AGPS: variants seen among roughly 807,000 people sequenced by gnomAD.
AGPS encodes the protein alkylglycerone phosphate synthase.
In AGPS, 26 loss-of-function variants were observed where a neutral mutation model predicts 90.7. That is an observed-to-expected ratio of 0.29 (90% CI 0.21 to 0.40). The LOEUF is 0.40. Among genes scored for constraint, AGPS ranks in the 10% least tolerant of loss-of-function variants. The pLI is 1.00. For synonymous variants in AGPS, 294 were observed against 285.3 expected (o/e 1.03, Z -0.31); for missense variants, 540 against 816.1 (o/e 0.66, Z 4.12).
chr2:177,434,525 G>GT, intron 3 of AGPS, 108 bp downstream of exon 3: 1 of 868,044 alleles, frequency 1.2e-6, no homozygotes, highest in South Asian at 1.6e-5. Flanking sequence ...CAACTGTCAT[G>GT]TTTTTTGTTA....
chr2:177,496,671 A>G (rs1471122330), intron 12 of AGPS, among the ~76,000 whole-genome samples: 1 of 152,076 alleles, frequency 6.6e-6, no homozygotes, highest in Non-Finnish European at 1.5e-5. Context: ...TTGGTCTTTT[A>G]TGTAACACAG....
In AGPS at chr2:177,542,834, G is replaced by A. The variant is rs942037040; in HGVS notation, c.*4639G>A. The A allele has an allele frequency of 6.6e-6, 1 of 151,050 alleles. No individual in the cohort carries two copies. Among genetic ancestry groups the A allele is most frequent in the African/African-American group, 2.5e-5 (1 of 40,450 alleles). The allele number at this position is 151,050 out of a possible 1,614,324, so 9.4% of individuals were successfully genotyped here. On this transcript the variant is annotated 3_prime_UTR_variant, in exon 20 of 20. Transcript: ENST00000264167. ...TACTATATCCCCAAAAGCTCACAGT[G>A]CCTTGTTGGGATTTTTTTTTTCCAT...
rs1209925808 is a variant in AGPS at position 177,446,351 on chromosome 2, A to T, written c.870+725A>T. Among the ~76,000 whole-genome samples, 6 of 151,806 alleles carry T rather than the reference A, an allele frequency of 4.0e-5. No individual in the cohort carries two copies. The East Asian group carries it at 9.7e-4, about 25-fold the overall frequency. On this transcript the variant is annotated intron_variant, in intron 8 of 19. Transcript: ENST00000264167. ...TGTATTTTTAGTAGGACGGCGTTTC[A>T]CCGTGGTCTCGGATCTCCTGACCTC...
intron 19 of AGPS, among the ~76,000 whole-genome samples, chr2:177,535,413 A>G (rs1236423907): frequency 1.3e-5 from 2 of 151,618 alleles, no homozygotes; most frequent in Non-Finnish European, 2.9e-5. Flanking sequence ...CATGTGTGTT[A>G]ACATGGGTAC....
intron 11 of AGPS, among the ~76,000 whole-genome samples, chr2:177,490,266 G>A (rs1688212063): frequency 6.6e-6 from 1 of 152,058 alleles, no homozygotes; most frequent in African/African-American, 2.4e-5. Context: ...AGAATGATGT[G>A]CAGTGATTTA....
At chr2:177,518,290 G>A (rs1689078139) in intron 17 of AGPS, among the ~76,000 whole-genome samples, 2 of 152,042 alleles carry the variant, frequency 1.3e-5, no homozygotes, top group African/African-American at 4.8e-5. Flanking sequence ...AAAAAAATTA[G>A]CCAGGTGTGG....
chr2:177,450,213 C>CT (rs1425787576), intron 8 of AGPS, among the ~76,000 whole-genome samples: 3 of 152,086 alleles, frequency 2.0e-5, no homozygotes, highest in Non-Finnish European at 2.9e-5. Flanking sequence ...GGGAATAAGT[C>CT]TTTTTTCAGA....
chr2:177,457,161 T>G (rs1220856264), intron 8 of AGPS, among the ~76,000 whole-genome samples: 1 of 152,128 alleles, frequency 6.6e-6, no homozygotes, highest in Non-Finnish European at 1.5e-5. Context: ...GAAGACACAA[T>G]GTACCAGAAT....
chr2:177,397,959 G>A (rs939574977), intron 1 of AGPS, among the ~76,000 whole-genome samples: 5 of 152,190 alleles, frequency 3.3e-5, no homozygotes, highest in African/African-American at 1.2e-4. Context: ...TTGAGCCTGG[G>A]AGGCAGAGGT....
At chr2:177,483,619 A>G (rs955488327) in intron 11 of AGPS, among the ~76,000 whole-genome samples, 10 of 152,174 alleles carry the variant, frequency 6.6e-5, no homozygotes, top group African/African-American at 2.4e-4. Context: ...GATTAGTAAC[A>G]GTTGAAATCC....
At chr2:177,414,332 A>C (rs150864378) in intron 1 of AGPS, among the ~76,000 whole-genome samples, 1 of 152,000 alleles carries the variant, frequency 6.6e-6, no homozygotes, top group Non-Finnish European at 1.5e-5. Context: ...TTGGCCTTGT[A>C]GTAGCTGGGA....
intron 5 of AGPS, 112 bp from the exon 6 acceptor site, chr2:177,440,853 C>A: frequency 1.2e-6 from 1 of 842,232 alleles, no homozygotes; most frequent in Non-Finnish European, 2.0e-6. Flanking sequence ...TGTTAATGAG[C>A]AAATGAATGA....
chr2:177,448,469 T>C (rs374417663), intron 8 of AGPS, among the ~76,000 whole-genome samples: 4 of 152,184 alleles, frequency 2.6e-5, no homozygotes, highest in Non-Finnish European at 5.9e-5. Flanking sequence ...CTAATTGATA[T>C]CTCCACTTGC....
At chr2:177,498,628 T>TA (rs562041621) in intron 13 of AGPS, among the ~76,000 whole-genome samples, 50 of 135,594 alleles carry the variant, frequency 3.7e-4, no homozygotes, top group Middle Eastern at 3.9e-3. Context: ...AATGAGAATT[T>TA]AAAAAAAAAA....
chr2:177,421,325 ATACTT>A (rs1410199712), intron 2 of AGPS, among the ~76,000 whole-genome samples: 1 of 152,082 alleles, frequency 6.6e-6, no homozygotes, highest in African/African-American at 2.4e-5. Flanking sequence ...GGACATTACT[ATACTT>A]AAGTTAATGT....
At chr2:177,497,358 T>G (rs1688441228) in intron 12 of AGPS, among the ~76,000 whole-genome samples, 1 of 151,796 alleles carries the variant, frequency 6.6e-6, no homozygotes, top group South Asian at 2.1e-4. Context: ...ATTAATGAAG[T>G]AATTTTATTA....
At chr2:177,423,303 C>T (rs1685986263) in intron 2 of AGPS, among the ~76,000 whole-genome samples, 1 of 16,080 alleles carries the variant, frequency 6.2e-5, no homozygotes, top group African/African-American at 1.3e-4. Flanking sequence ...GAATTCATGA[C>T]TACGAAGACT....
intron 12 of AGPS, among the ~76,000 whole-genome samples, chr2:177,496,460 T>C (rs1476408537): frequency 6.6e-6 from 1 of 152,146 alleles, no homozygotes; most frequent in African/African-American, 2.4e-5. Context: ...CTAGTTATAC[T>C]AGGAAGCATC....
chr2:177,507,192 T>C (rs1688742421), intron 15 of AGPS, among the ~76,000 whole-genome samples: 1 of 152,098 alleles, frequency 6.6e-6, no homozygotes, highest in South Asian at 2.1e-4. Context: ...TTTGTTTTTT[T>C]CCCCAAACAC....
Sources: allele counts gnomAD v4.1 joint callset (sites outside exome capture counted in the v4.1 genomes callset), GRCh38; gene constraint gnomAD v4.1.1; transcripts MANE v1.5; gene names NCBI Gene and HGNC (gene_info 2026-07-23, HGNC 2026-07-21).